The following PDE1C variants were observed in gnomAD, a reference collection of about 807,000 sequenced individuals.
PDE1C encodes the protein phosphodiesterase 1C.
Under a neutral mutation model 93.1 loss-of-function variants are expected in PDE1C, and 62 were observed. The ratio of observed to expected loss-of-function variants is 0.67; its 90% CI spans 0.54 to 0.82. PDE1C has a LOEUF of 0.82. PDE1C is among the 40% of genes least tolerant of loss of function. PDE1C has a pLI of 0.00. For synonymous variants in PDE1C, 325 were observed against 310.1 expected, an observed-to-expected ratio of 1.05 and a Z score of -0.50; for missense variants, 742 against 884.6, an observed-to-expected ratio of 0.84 and a Z score of 2.04.
intron 2 of PDE1C, among the ~76,000 whole-genome samples, chr7:32,181,683 C>G (rs1190706354): frequency 2.6e-5 from 4 of 151,560 alleles, no homozygotes; most frequent in Non-Finnish European, 5.9e-5. Flanking sequence ...ACTAAATGCC[C>G]ACAAGAGAAA....
chr7:31,969,441 G>A (rs906267972), intron 2 of PDE1C, among the ~76,000 whole-genome samples: 1 of 152,126 alleles, frequency 6.6e-6, no homozygotes, highest in Non-Finnish European at 1.5e-5. Flanking sequence ...ACCACAACGA[G>A]ATACCATCAC....
intron 2 of PDE1C, among the ~76,000 whole-genome samples, chr7:31,889,173 A>G (rs1798322274): frequency 6.6e-6 from 1 of 152,248 alleles, no homozygotes; most frequent in African/African-American, 2.4e-5. Context: ...AATGTGAAGA[A>G]TGAAATATAG....
At chr7:32,052,298 C>A in intron 1 of PDE1C, 1 of 484,596 alleles carries the variant, frequency 2.1e-6, no homozygotes, top group Non-Finnish European at 4.2e-6. Flanking sequence ...TTGGGCAAAT[C>A]TTGTGCATCA....
chr7:32,036,795 G>A (rs1394297750), intron 2 of PDE1C, among the ~76,000 whole-genome samples: 1 of 152,132 alleles, frequency 6.6e-6, no homozygotes, highest in Non-Finnish European at 1.5e-5. Flanking sequence ...TTAAGGCAGA[G>A]GTTATCCACA....
chr7:32,096,135 T>C (rs1170799623), intron 3 of PDE1C, among the ~76,000 whole-genome samples: 2 of 152,164 alleles, frequency 1.3e-5, no homozygotes, highest in Non-Finnish European at 2.9e-5. Context: ...AGGCAGTGTT[T>C]CCAAGACTTC....
chr7:32,258,806 T>G (rs1410543259), intron 1 of PDE1C, among the ~76,000 whole-genome samples: 1 of 152,214 alleles, frequency 6.6e-6, no homozygotes, highest in Non-Finnish European at 1.5e-5. Flanking sequence ...AAGGGTATCT[T>G]TCTTCATACC....
chr7:31,618,859 T>TTATTATAAAA, the PDE1C span, among the ~76,000 whole-genome samples: 2 of 152,210 alleles, frequency 1.3e-5, no homozygotes, highest in Non-Finnish European at 2.9e-5. Context: ...GATTATCACT[T>TTATTATAAAA]TATTATAAAA....
intron 1 of PDE1C, among the ~76,000 whole-genome samples, chr7:32,264,051 C>A (rs1028383593): frequency 6.6e-6 from 1 of 151,746 alleles, no homozygotes; most frequent in Non-Finnish European, 1.5e-5. Context: ...CACCCACCCC[C>A]TTAGATAGAA....
At chr7:32,205,961 G>C (rs73106516) in intron 2 of PDE1C, among the ~76,000 whole-genome samples, 51,709 of 151,960 alleles carry the variant, frequency 0.34, 9,388 homozygotes, top group Admixed American at 0.46. Flanking sequence ...TCACCAGGTG[G>C]GTCCATGTTT....
At chr7:32,177,227 T>C (rs963325379) in intron 2 of PDE1C, among the ~76,000 whole-genome samples, 2 of 152,148 alleles carry the variant, frequency 1.3e-5, no homozygotes, top group African/African-American at 4.8e-5. Context: ...AGACAAGGGC[T>C]TGTGGCAAGT....
chr7:31,819,795 C>T (rs1234248471), intron 14 of PDE1C, among the ~76,000 whole-genome samples: 1 of 152,004 alleles, frequency 6.6e-6, no homozygotes, highest in Non-Finnish European at 1.5e-5. Context: ...GGCTAATTAT[C>T]CCTTGATATA....
intron 2 of PDE1C, among the ~76,000 whole-genome samples, chr7:31,998,632 C>T (rs1197167491): frequency 6.6e-6 from 1 of 152,106 alleles, no homozygotes; most frequent in African/African-American, 2.4e-5. Context: ...GGGACAGAAG[C>T]AGAAAATGAC....
rs1343114417 is a variant in PDE1C at position 31,880,729 on chromosome 7, T to A, written c.242+18A>T. ...TTTACTATCACTATACTAATCTCTT[T>A]TGTTATTTTTAGCTTACCTTGTTTC... On this transcript the variant is annotated intron_variant, in intron 3 of 17. Transcript: ENST00000396191. The A allele has an allele frequency of 6.9e-7, 1 of 1,445,962 alleles. No homozygotes were observed. The highest frequency in any genetic ancestry group is 9.7e-7 in the Non-Finnish European group (1 of 1,031,578). The allele number at this position is 1,445,962 out of a possible 1,614,324, so 89.6% of individuals were successfully genotyped here.
At chr7:32,331,482 A>T (rs1783513950) in intron 1 of PDE1C, among the ~76,000 whole-genome samples, 1 of 152,216 alleles carries the variant, frequency 6.6e-6, no homozygotes, top group African/African-American at 2.4e-5. Context: ...GAATAATAAC[A>T]GGGAGAATCA....
At chr7:32,244,418 C>T (rs566681808) in intron 1 of PDE1C, among the ~76,000 whole-genome samples, 2 of 152,338 alleles carry the variant, frequency 1.3e-5, no homozygotes, top group East Asian at 3.9e-4. Flanking sequence ...GAACCAACTG[C>T]CCTGACCTAG....
chr7:31,748,776 C>G (rs1380173575), downstream of PDE1C, among the ~76,000 whole-genome samples: 1 of 152,202 alleles, frequency 6.6e-6, no homozygotes, highest in Admixed American at 6.5e-5. Flanking sequence ...AGTCATGAAG[C>G]CTTCACCCAC....
At chr7:32,170,070 C>T in intron 2 of PDE1C, 1 of 896,536 alleles carries the variant, frequency 1.1e-6, no homozygotes, top group African/African-American at 1.7e-5. Context: ...ATATATTTCT[C>T]ACCATCTCCG....
chr7:32,347,850 A>G (rs1783884775), intron 1 of PDE1C, among the ~76,000 whole-genome samples: 1 of 152,256 alleles, frequency 6.6e-6, no homozygotes, highest in Non-Finnish European at 1.5e-5. Context: ...TGCTTTGACT[A>G]TAGTTTCATG....
At chr7:32,304,997 C>T (rs1335423841) in intron 1 of PDE1C, among the ~76,000 whole-genome samples, 2 of 152,184 alleles carry the variant, frequency 1.3e-5, no homozygotes, top group Non-Finnish European at 1.5e-5. Context: ...AGAGCTCACT[C>T]AACCCTGGGC....
Sources: gnomAD v4.1 joint callset for allele counts (sites outside exome capture counted in the v4.1 genomes callset) on GRCh38, gnomAD v4.1.1 for gene constraint, MANE v1.5 for transcripts, NCBI Gene and HGNC (gene_info 2026-07-23, HGNC 2026-07-21) for gene names.